The following CDH13 variants were observed in gnomAD, a reference collection of about 807,000 sequenced individuals.
CDH13 encodes the protein cadherin 13, also known as cadherin-13.
In CDH13, 24 loss-of-function variants were observed where a neutral mutation model predicts 63.8. That is an observed-to-expected ratio of 0.38 (90% confidence interval 0.27 to 0.53). The LOEUF is 0.53. Ranked by LOEUF, CDH13 falls within the 20% of genes least tolerant of loss-of-function variation. The probability of loss-of-function intolerance (pLI) is 0.85; values close to 1 mark genes in which losing one functional copy is unlikely to be tolerated. For synonymous variants in CDH13, 503 were observed against 355.3 expected (o/e 1.42, Z -4.67); for missense variants, 1,049 against 903.1 (o/e 1.16, Z -2.07).
intron 2 of CDH13, among the ~76,000 whole-genome samples, chr16:82,943,105 C>T (rs1026770721): frequency 1.3e-5 from 2 of 152,132 alleles, no homozygotes; most frequent in Admixed American, 6.6e-5. Context: ...ACTTTGGAAT[C>T]GTATACATTT....
At chr16:83,424,908 G>C (rs531700850) in intron 6 of CDH13, among the ~76,000 whole-genome samples, 2 of 152,150 alleles carry the variant, frequency 1.3e-5, no homozygotes, top group African/African-American at 2.4e-5. Flanking sequence ...CACAAGTAAG[G>C]ATTTGGCCTG....
chr16:83,511,115 C>CAT (rs1478494306), intron 7 of CDH13, among the ~76,000 whole-genome samples: 1 of 150,680 alleles, frequency 6.6e-6, no homozygotes, highest in Non-Finnish European at 1.5e-5. Context: ...CACGCATGCA[C>CAT]ACACATGCAC....
intron 3 of CDH13, among the ~76,000 whole-genome samples, chr16:83,037,971 G>A (rs1917013201): frequency 6.6e-6 from 1 of 152,152 alleles, no homozygotes; most frequent in Non-Finnish European, 1.5e-5. Flanking sequence ...GGAACTGAGG[G>A]CTAAGTGTAT....
intron 7 of CDH13, among the ~76,000 whole-genome samples, chr16:83,568,310 G>T (rs1340186173): frequency 3.3e-5 from 5 of 152,224 alleles, no homozygotes; most frequent in Admixed American, 3.3e-4. Flanking sequence ...GAACTGGAGA[G>T]TGGTAACTAG....
At chr16:83,503,926 G>T (rs531021481) in intron 7 of CDH13, among the ~76,000 whole-genome samples, 1 of 149,494 alleles carries the variant, frequency 6.7e-6, no homozygotes, top group East Asian at 2.0e-4. Flanking sequence ...TTTGGCTTTT[G>T]TTGCAATTGC....
At position 82,840,684 on chromosome 16, in the gene CDH13, CAAAA is replaced by C. The variant is rs753429857; in HGVS notation, c.46-17663_46-17660del. ...TGGGTGATGGAGTGAGAATCCATCT[CAAAA>C]AAAAAAAAAAAAAAGAAAAAAACTT... On this transcript the variant is annotated intron_variant, in intron 1 of 13. Coordinates refer to ENST00000567109, the MANE Select transcript of CDH13 (RefSeq NM_001257.5). Among the ~76,000 whole-genome samples, 6 of 86,738 alleles carry C rather than the reference CAAAA, an allele frequency of 6.9e-5. No individual in the cohort carries two copies. The South Asian group carries it at 1.7e-3, about 24-fold the overall frequency. 56.9% of individuals were successfully genotyped at this position (86,738 alleles called of 152,430 possible).
intron 8 of CDH13, among the ~76,000 whole-genome samples, chr16:83,660,380 G>T (rs575649877): frequency 2.0e-5 from 3 of 152,202 alleles, no homozygotes; most frequent in Non-Finnish European, 2.9e-5. Flanking sequence ...CACAACCTAG[G>T]TCCCTCGTGT....
intron 2 of CDH13, among the ~76,000 whole-genome samples, chr16:83,025,358 TCA>T (rs1915703483): frequency 6.6e-6 from 1 of 152,160 alleles, no homozygotes; most frequent in Admixed American, 6.5e-5. Flanking sequence ...TGTAATTGAC[TCA>T]CAGTTCAGCA....
At chr16:83,237,069 C>G (rs569246519) in intron 5 of CDH13, among the ~76,000 whole-genome samples, 1 of 152,074 alleles carries the variant, frequency 6.6e-6, no homozygotes, top group African/African-American at 2.4e-5. Context: ...GGGGACAAGG[C>G]AGATTCGAGG....
intron 3 of CDH13, among the ~76,000 whole-genome samples, chr16:83,053,976 C>A (rs187216242): frequency 6.6e-6 from 1 of 152,176 alleles, no homozygotes; most frequent in African/African-American, 2.4e-5. Flanking sequence ...AATTATAATA[C>A]CATATTTTTA....
intron 5 of CDH13, among the ~76,000 whole-genome samples, chr16:83,265,237 A>T (rs182684659): frequency 5.7e-4 from 86 of 152,150 alleles, no homozygotes; most frequent in African/African-American, 2.0e-3. Context: ...CTGGCCATCA[A>T]ACTGGGAACT....
At chr16:82,701,488 G>A (rs1306009940) in intron 1 of CDH13, among the ~76,000 whole-genome samples, 2 of 152,158 alleles carry the variant, frequency 1.3e-5, no homozygotes, top group Non-Finnish European at 2.9e-5. Flanking sequence ...GGAAAAGAAA[G>A]GAGGTGTTTA....
At chr16:83,792,603 C>T (rs778731366) in intron 13 of CDH13, among the ~76,000 whole-genome samples, 14 of 152,126 alleles carry the variant, frequency 9.2e-5, no homozygotes, top group Non-Finnish European at 1.8e-4. Flanking sequence ...TGCTGCTAAG[C>T]GTCCTCCCAT....
intron 4 of CDH13, among the ~76,000 whole-genome samples, chr16:83,154,550 A>G (rs112745424): frequency 2.0e-5 from 3 of 150,242 alleles, no homozygotes; most frequent in African/African-American, 7.4e-5. Context: ...CTGGCGACAG[A>G]GAGACTCCAT....
chr16:83,763,242 A>G (rs1284670543), intron 11 of CDH13, among the ~76,000 whole-genome samples: 1 of 152,220 alleles, frequency 6.6e-6, no homozygotes, highest in Admixed American at 6.5e-5. Context: ...AGAACCAGGC[A>G]TAACAGCTGT....
chr16:83,532,528 C>T (rs2075103239), intron 7 of CDH13, among the ~76,000 whole-genome samples: 1 of 152,236 alleles, frequency 6.6e-6, no homozygotes, highest in Non-Finnish European at 1.5e-5. Flanking sequence ...TTTGCTGCTG[C>T]ATCCAGAGTG....
chr16:83,549,941 C>T (rs528406983), intron 7 of CDH13, among the ~76,000 whole-genome samples: 191 of 152,302 alleles, frequency 1.3e-3, no homozygotes, highest in African/African-American at 4.3e-3. Context: ...CAGTCTTTCC[C>T]ACTCGTCTTG....
chr16:83,678,366 C>G lies in CDH13; in HGVS notation c.1443C>G (p.Pro481=). ...AGGGCCCAGTCTTCTACCCAGACCC[C>G]ATGATGGTGACCAGGCAGGAGGACC... ...VNEGPVFYPD[P]MMVTRQEDLS... is the part of the protein sequence containing the mutation. Residue 481 remains proline, a synonymous_variant, in exon 10 of 14, where the codon CCC becomes CCG. Transcript: ENST00000567109. 1.9e-6 allele frequency: 3 copies of G among 1,613,988 alleles called. No homozygotes were observed. Among genetic ancestry groups the G allele is most frequent in the Non-Finnish European group, 2.5e-6 (3 of 1,179,892 alleles).
chr16:83,379,227 G>T (rs193104419), intron 6 of CDH13, among the ~76,000 whole-genome samples: 1 of 152,108 alleles, frequency 6.6e-6, no homozygotes, highest in African/African-American at 2.4e-5. Flanking sequence ...AACTGTATAT[G>T]GTTTAGAAGG....
Sources: gnomAD v4.1 joint callset for allele counts (sites outside exome capture counted in the v4.1 genomes callset) on GRCh38, gnomAD v4.1.1 for gene constraint, MANE v1.5 for transcripts, NCBI Gene and HGNC (gene_info 2026-07-23, HGNC 2026-07-21) for gene names.